The following NRXN3 variants were observed in gnomAD, a reference collection of about 807,000 sequenced individuals.
NRXN3 encodes neurexin III.
A neutral mutation model predicts 137.6 loss-of-function variants in NRXN3; 32 were observed. The ratio of observed to expected loss-of-function variants is 0.23; its 90% CI spans 0.18 to 0.31. NRXN3 has a LOEUF of 0.31. Among genes scored for constraint, NRXN3 ranks in the 10% least tolerant of loss-of-function variants. NRXN3 has a pLI of 1.00. For missense variants in NRXN3, 1,574 were observed against 2,062.5 expected (o/e 0.76, Z 4.59); for synonymous variants, 798 against 784.5 (o/e 1.02, Z -0.29).
In NRXN3 at chr14:79,862,940, A is replaced by G. The variant is rs1470947204; in HGVS notation, c.*976A>G. ...AAATTGTGTTAAAGAGGAAAGCCCCACAAACTAAAACAGCCTTTCCTAGGG... is the reference window on the plus strand; with the variant it reads ...AAATTGTGTTAAAGAGGAAAGCCCCGCAAACTAAAACAGCCTTTCCTAGGG... On this transcript the variant is annotated 3_prime_UTR_variant, in exon 21 of 21. Coordinates refer to ENST00000335750, the MANE Select transcript of NRXN3 (RefSeq NM_001330195.2). 1 of 152,456 alleles carries G rather than the reference A, an allele frequency of 6.6e-6. No individual in the cohort carries two copies. The highest frequency in any genetic ancestry group is 1.5e-5 in the Non-Finnish European group (1 of 68,030). 9.4% of individuals were successfully genotyped at this position (152,456 alleles called of 1,614,324 possible). A position where few individuals can be genotyped will look rare whatever the true frequency, so the allele number is the denominator to read the frequency against.
chr14:79,095,113 T>G (rs930943391), intron 15 of NRXN3, among the ~76,000 whole-genome samples: 5 of 152,104 alleles, frequency 3.3e-5, no homozygotes, highest in African/African-American at 7.2e-5. Flanking sequence ...AATTTCTGAC[T>G]GGCATGCATT....
intron 15 of NRXN3, among the ~76,000 whole-genome samples, chr14:79,376,522 G>A (rs1421707102): frequency 6.6e-6 from 1 of 151,922 alleles, no homozygotes; most frequent in Non-Finnish European, 1.5e-5. Context: ...AAACCAGCTA[G>A]CAGCTCATTA....
At chr14:79,117,305 G>A (rs547238825) in intron 15 of NRXN3, among the ~76,000 whole-genome samples, 1 of 152,280 alleles carries the variant, frequency 6.6e-6, no homozygotes, top group South Asian at 2.1e-4. Flanking sequence ...TTGTCTCCAT[G>A]GAGGGAAGGA....
chr14:79,347,684 G>A (rs1331863454), intron 15 of NRXN3, among the ~76,000 whole-genome samples: 1 of 152,176 alleles, frequency 6.6e-6, no homozygotes, highest in Non-Finnish European at 1.5e-5. Flanking sequence ...GCCTCCCAAA[G>A]TGCTGGGATT....
intron 16 of NRXN3, among the ~76,000 whole-genome samples, chr14:79,512,572 A>G (rs1038238104): frequency 6.6e-5 from 10 of 152,222 alleles, no homozygotes; most frequent in African/African-American, 2.4e-4. Flanking sequence ...TATGGTTCTT[A>G]CGATGTACAT....
At chr14:78,228,869 C>T (rs1225005952) in intron 1 of NRXN3, among the ~76,000 whole-genome samples, 1 of 152,166 alleles carries the variant, frequency 6.6e-6, no homozygotes, top group Admixed American at 6.6e-5. Context: ...CGGTGATAAC[C>T]TCAAGGAATG....
intron 19 of NRXN3, among the ~76,000 whole-genome samples, chr14:79,700,277 G>A (rs1403557381): frequency 6.6e-6 from 1 of 152,078 alleles, no homozygotes; most frequent in East Asian, 1.9e-4. Context: ...TAGATGAGGA[G>A]GATTCATAAA....
At chr14:78,270,891 T>C (rs1300325003) in intron 2 of NRXN3, among the ~76,000 whole-genome samples, 1 of 152,202 alleles carries the variant, frequency 6.6e-6, no homozygotes, top group Non-Finnish European at 1.5e-5. Context: ...ATTTTGTCCA[T>C]AAGAAACACT....
intron 10 of NRXN3, among the ~76,000 whole-genome samples, chr14:78,818,680 T>C (rs2098941820): frequency 1.3e-5 from 2 of 152,200 alleles, no homozygotes; most frequent in Admixed American, 1.3e-4. Flanking sequence ...TCTTCCTTGT[T>C]CTTCCTCATT....
At chr14:78,528,648 T>G (rs1288696549) in intron 4 of NRXN3, among the ~76,000 whole-genome samples, 1 of 152,084 alleles carries the variant, frequency 6.6e-6, no homozygotes, top group Non-Finnish European at 1.5e-5. Context: ...GCCCATGGAA[T>G]TGGTTTGAAC....
intron 16 of NRXN3, among the ~76,000 whole-genome samples, chr14:79,491,596 G>T (rs770212652): frequency 7.0e-6 from 1 of 143,584 alleles, no homozygotes; most frequent in Non-Finnish European, 1.5e-5. Context: ...GACATTTTTC[G>T]TCTCAAAAAA....
chr14:78,259,182 T>C (rs2070250624), intron 2 of NRXN3, among the ~76,000 whole-genome samples: 1 of 151,744 alleles, frequency 6.6e-6, no homozygotes, highest in Admixed American at 6.6e-5. Context: ...AAGTAGAAAC[T>C]TAAGTCTCAT....
intron 10 of NRXN3, among the ~76,000 whole-genome samples, chr14:78,945,872 G>A (rs31440): frequency 0.011 from 1,610 of 152,288 alleles, 25 homozygotes; most frequent in African/African-American, 0.037. Flanking sequence ...TGGATTTGTG[G>A]CCAAGGGAAG....
chr14:79,764,583 C>T (rs1382072536), intron 19 of NRXN3, among the ~76,000 whole-genome samples: 1 of 152,122 alleles, frequency 6.6e-6, no homozygotes, highest in Non-Finnish European at 1.5e-5. Context: ...ACCTAATAAA[C>T]CGTGCTGTTT....
At chr14:78,570,598 C>G (rs573725713) in intron 4 of NRXN3, among the ~76,000 whole-genome samples, 2 of 152,296 alleles carry the variant, frequency 1.3e-5, no homozygotes, top group East Asian at 3.9e-4. Flanking sequence ...AGTTCTCCAG[C>G]AGCCCCCAGG....
At chr14:79,696,653 G>T (rs1603436757) in intron 18 of NRXN3, among the ~76,000 whole-genome samples, 1 of 151,710 alleles carries the variant, frequency 6.6e-6, no homozygotes, top group East Asian at 2.0e-4. Context: ...ATTTTAGTTG[G>T]GTTTCATTCT....
At chr14:78,600,467 T>C (rs982581097) in intron 4 of NRXN3, among the ~76,000 whole-genome samples, 1 of 152,344 alleles carries the variant, frequency 6.6e-6, no homozygotes, top group Non-Finnish European at 1.5e-5. Context: ...TGAGGAGTCA[T>C]AAAACCACAT....
At chr14:79,735,793 C>T (rs757356757) in intron 19 of NRXN3, among the ~76,000 whole-genome samples, 1 of 152,146 alleles carries the variant, frequency 6.6e-6, no homozygotes, top group Non-Finnish European at 1.5e-5. Flanking sequence ...ATTTCTACTG[C>T]TCTTGAGTTG....
At chr14:79,721,871 G>A (rs2098845786) in intron 19 of NRXN3, among the ~76,000 whole-genome samples, 1 of 152,094 alleles carries the variant, frequency 6.6e-6, no homozygotes, top group East Asian at 1.9e-4. Context: ...AGTTTACCCA[G>A]TTCTGAGCAT....
Sources: gnomAD v4.1 joint callset for allele counts (sites outside exome capture counted in the v4.1 genomes callset) on GRCh38, gnomAD v4.1.1 for gene constraint, MANE v1.5 for transcripts, NCBI Gene and HGNC (gene_info 2026-07-23, HGNC 2026-07-21) for gene names.